GRB14: variants seen among roughly 807,000 people sequenced by gnomAD.
GRB14 encodes growth factor receptor-bound protein 14.
Under a neutral mutation model 69.1 loss-of-function variants are expected in GRB14, and 38 were observed. The ratio of observed to expected loss-of-function variants is 0.55; its 90% CI spans 0.42 to 0.72. The LOEUF is 0.72. Among genes scored for constraint, GRB14 ranks in the 30% least tolerant of loss-of-function variants. The pLI is 0.00. For missense variants in GRB14, 666 were observed against 666.1 expected (o/e 1.00, Z 0.00); for synonymous variants, 247 against 241.3 (o/e 1.02, Z -0.22).
chr2:164,616,076 G>C (rs1690285319), intron 2 of GRB14, among the ~76,000 whole-genome samples: 1 of 152,100 alleles, frequency 6.6e-6, no homozygotes, highest in African/African-American at 2.4e-5. Context: ...TAAACACAAA[G>C]AAAGATGCCT....
chr2:164,515,307 A>T (rs1687452417), intron 6 of GRB14, among the ~76,000 whole-genome samples: 1 of 152,184 alleles, frequency 6.6e-6, no homozygotes, highest in Admixed American at 6.5e-5. Flanking sequence ...CACAGAGTCC[A>T]CTTCACTCCC....
At position 164,621,029 on chromosome 2, in the gene GRB14, G is replaced by C. The variant is rs1690445582; in HGVS notation, c.191+90C>G. 1.5e-5 allele frequency: 17 copies of C among 1,112,832 alleles called. No individual in the cohort carries two copies. The highest frequency in any genetic ancestry group is 2.0e-5 in the Non-Finnish European group (17 of 871,490). 68.9% of individuals were successfully genotyped at this position (1,112,832 alleles called of 1,614,324 possible). A position where few individuals can be genotyped will look rare whatever the true frequency, so the allele number is the denominator to read the frequency against. On this transcript the variant is annotated intron_variant, in intron 1 of 13. Coordinates refer to ENST00000263915, the MANE Select transcript of GRB14 (RefSeq NM_004490.3). The surrounding 1 kb of genome is among the most constrained non-coding windows in gnomAD (Gnocchi z 6.0). ...CTTTTACAAACTTGGCCCAGCTCTG[G>C]GCACATGGCTCACCCCCTAGGACCG... is the stretch of plus-strand genomic sequence containing the variant.
At chr2:164,558,884 C>T (rs1688750782) in intron 2 of GRB14, among the ~76,000 whole-genome samples, 1 of 152,174 alleles carries the variant, frequency 6.6e-6, no homozygotes, top group African/African-American at 2.4e-5. Context: ...GAGCCCAAGA[C>T]ACATCAGACT....
intron 2 of GRB14, among the ~76,000 whole-genome samples, chr2:164,588,716 T>A (rs1199912477): frequency 6.6e-6 from 1 of 152,194 alleles, no homozygotes; most frequent in Non-Finnish European, 1.5e-5. Context: ...CATTCTCAAT[T>A]GTTTAAAATC....
intron 2 of GRB14, among the ~76,000 whole-genome samples, chr2:164,594,115 A>G (rs1464409729): frequency 6.6e-6 from 1 of 152,096 alleles, no homozygotes; most frequent in Middle Eastern, 3.2e-3. Context: ...ATCAGTAGAT[A>G]GCATCTAAAG....
chr2:164,576,384 A>G (rs917592227), intron 2 of GRB14, among the ~76,000 whole-genome samples: 1 of 151,768 alleles, frequency 6.6e-6, no homozygotes, highest in African/African-American at 2.4e-5. Flanking sequence ...ATCAGAGAAT[A>G]TCCCTTCTGT....
At chr2:164,542,006 C>T (rs1688251713) in intron 3 of GRB14, among the ~76,000 whole-genome samples, 1 of 152,160 alleles carries the variant, frequency 6.6e-6, no homozygotes, top group Non-Finnish European at 1.5e-5. Flanking sequence ...CTGGAGGGGT[C>T]ACATTACCCC....
intron 2 of GRB14, among the ~76,000 whole-genome samples, chr2:164,601,498 G>C (rs1213623700): frequency 6.6e-6 from 1 of 152,118 alleles, no homozygotes; most frequent in Non-Finnish European, 1.5e-5. Context: ...TTCTACCTGT[G>C]AATTTTGTGT....
intron 2 of GRB14, among the ~76,000 whole-genome samples, chr2:164,590,368 A>G (rs994326444): frequency 6.6e-6 from 1 of 152,242 alleles, no homozygotes; most frequent in Non-Finnish European, 1.5e-5. Context: ...ATAATGAAAA[A>G]AAAGTTAGTT....
At chr2:164,513,241 G>A (rs1442285447) in intron 6 of GRB14, among the ~76,000 whole-genome samples, 1 of 151,978 alleles carries the variant, frequency 6.6e-6, no homozygotes, top group Non-Finnish European at 1.5e-5. Context: ...ATACTCTTTT[G>A]GTAATTTCAC....
intron 6 of GRB14, among the ~76,000 whole-genome samples, chr2:164,518,505 G>T (rs922348967): frequency 6.6e-6 from 1 of 151,906 alleles, no homozygotes; most frequent in Non-Finnish European, 1.5e-5. Flanking sequence ...CAGAAGAAAA[G>T]AAATAACAAA....
chr2:164,621,072 C>T lies in GRB14; in HGVS notation c.191+47G>A, dbSNP rs914104042. The T allele has an allele frequency of 1.6e-6, 2 of 1,241,840 alleles. No homozygotes were observed. The highest frequency in any genetic ancestry group is 2.0e-6 in the Non-Finnish European group (2 of 985,140). The allele number at this position is 1,241,840 out of a possible 1,614,324, so 76.9% of individuals were successfully genotyped here. ...TAGGACCGCCTCCTCACCCCCTCGC[C>T]GGCTGCCCAGCCAGGACACTCCCCC... On this transcript the variant is annotated intron_variant, in intron 1 of 13. Transcript: ENST00000263915. This position sits in a 1 kb window ranked among gnomAD's most constrained non-coding sequence, Gnocchi z 6.0.
At chr2:164,547,910 T>C in intron 2 of GRB14, 94 bp from the exon 3 acceptor site, 1 of 720,674 alleles carries the variant, frequency 1.4e-6, no homozygotes, top group Non-Finnish European at 2.1e-6. Context: ...CAACACGATA[T>C]TATGAGATAT....
chr2:164,611,077 T>C (rs1163996188), intron 2 of GRB14, among the ~76,000 whole-genome samples: 2 of 152,066 alleles, frequency 1.3e-5, no homozygotes, highest in Non-Finnish European at 2.9e-5. Context: ...CACAAATAGA[T>C]AGGACTGTGG....
chr2:164,605,937 TCCA>T (rs1690030263), intron 2 of GRB14, among the ~76,000 whole-genome samples: 1 of 152,112 alleles, frequency 6.6e-6, no homozygotes, highest in African/African-American at 2.4e-5. Context: ...CTCAAATGTT[TCCA>T]CCAGAGATAC....
intron 3 of GRB14, among the ~76,000 whole-genome samples, chr2:164,541,603 C>T (rs903758679): frequency 6.6e-6 from 1 of 151,356 alleles, no homozygotes; most frequent in South Asian, 2.1e-4. Context: ...CAAAAGAGAC[C>T]CTATCTCTAA....
chr2:164,572,197 A>C (rs1272359137), intron 2 of GRB14, among the ~76,000 whole-genome samples: 1 of 152,190 alleles, frequency 6.6e-6, no homozygotes, highest in Non-Finnish European at 1.5e-5. Flanking sequence ...TTATTATTGA[A>C]AGTAATGACA....
chr2:164,561,502 A>G (rs1688827804), intron 2 of GRB14, among the ~76,000 whole-genome samples: 1 of 152,166 alleles, frequency 6.6e-6, no homozygotes, highest in African/African-American at 2.4e-5. Context: ...TAGGAGAGCA[A>G]AAGGCAGATT....
At chr2:164,518,170 C>T (rs1032745427) in intron 6 of GRB14, among the ~76,000 whole-genome samples, 3 of 152,158 alleles carry the variant, frequency 2.0e-5, no homozygotes, top group African/African-American at 7.2e-5. Context: ...TTCAAGTACT[C>T]TCTCAGAACA....
Sources: gnomAD v4.1 joint callset for allele counts (sites outside exome capture counted in the v4.1 genomes callset) on GRCh38, gnomAD v4.1.1 for gene constraint, Gnocchi (gnomAD v3.1) non-coding constraint, MANE v1.5 for transcripts, NCBI Gene and HGNC (gene_info 2026-07-23, HGNC 2026-07-21) for gene names.